Variants in KHDRBS2 observed in about 807,000 individuals in gnomAD.
The protein encoded by KHDRBS2 is KH domain-containing, RNA-binding, signal transduction-associated protein 2.
KHDRBS2 carries 26 observed loss-of-function variants against 44.3 expected under a neutral mutation model. The observed-to-expected ratio is 0.59, with a 90% CI of 0.43 to 0.81. The LOEUF is 0.81. Ranked by LOEUF, KHDRBS2 falls within the 40% of genes least tolerant of loss-of-function variation. KHDRBS2 has a pLI of 0.00. For missense variants in KHDRBS2, 476 were observed against 433.1 expected, an observed-to-expected ratio of 1.10 and a Z score of -0.88; for synonymous variants, 194 against 151.1, an observed-to-expected ratio of 1.28 and a Z score of -2.08.
At chr6:62,150,513 T>C (rs1323796360) in intron 2 of KHDRBS2, among the ~76,000 whole-genome samples, 3 of 152,198 alleles carry the variant, frequency 2.0e-5, no homozygotes, top group Non-Finnish European at 4.4e-5. Context: ...GTGATAGAGT[T>C]GTACAATATT....
rs57458009 is a variant in KHDRBS2, at chr6:62,060,633, CTA to C, written c.220-12641_220-12640del. Among the ~76,000 whole-genome samples the C allele has an allele frequency of 1.0e-3, 151 of 144,920 alleles. 1 individual carries two copies. Among genetic ancestry groups the C allele is most frequent in the African/African-American group, 2.1e-3 (81 of 39,246 alleles). Reference sequence around the variant, plus strand: ...TGTCTCTCTCTCTCTCTCTCTCTCTCTATATATATATATATGAACTAAAACAA... The same window carrying C: ...TGTCTCTCTCTCTCTCTCTCTCTCTCTATATATATATATGAACTAAAACAA... On this transcript the variant is annotated intron_variant, in intron 2 of 8. Transcript: ENST00000281156.
At chr6:61,934,319 CTG>C (rs1810640365) in intron 4 of KHDRBS2, among the ~76,000 whole-genome samples, 1 of 152,124 alleles carries the variant, frequency 6.6e-6, no homozygotes, top group Non-Finnish European at 1.5e-5. Context: ...TTCCATTCGT[CTG>C]TTTTTGCTTT....
At chr6:61,602,615 A>T in the KHDRBS2 span, among the ~76,000 whole-genome samples, 1 of 151,946 alleles carries the variant, frequency 6.6e-6, no homozygotes, top group East Asian at 1.9e-4. Context: ...CTACACCATC[A>T]CTGACGCCAA....
At chr6:61,938,092 G>C (rs1304097330) in intron 4 of KHDRBS2, among the ~76,000 whole-genome samples, 1 of 151,774 alleles carries the variant, frequency 6.6e-6, no homozygotes, top group East Asian at 1.9e-4. Flanking sequence ...CTACCTTTTG[G>C]GTTTACAGCA....
chr6:62,050,672 A>G (rs754271943), intron 2 of KHDRBS2, among the ~76,000 whole-genome samples: 8 of 152,020 alleles, frequency 5.3e-5, no homozygotes, highest in Non-Finnish European at 1.0e-4. Context: ...AAGATGTGTA[A>G]TTACTACTGC....
intron 4 of KHDRBS2, among the ~76,000 whole-genome samples, chr6:61,946,398 G>C (rs1455457490): frequency 1.3e-5 from 2 of 152,188 alleles, no homozygotes; most frequent in Non-Finnish European, 2.9e-5. Flanking sequence ...CCATGCTGCT[G>C]TCTTGCTTGG....
chr6:61,674,286 T>C, the KHDRBS2 span, among the ~76,000 whole-genome samples: 1 of 151,788 alleles, frequency 6.6e-6, no homozygotes, highest in Admixed American at 6.6e-5. Context: ...ATATTCTTCA[T>C]ATTGCTGCAG....
At chr6:61,955,475 CACATATGTATGTATGT>C (rs1434997959) in intron 4 of KHDRBS2, among the ~76,000 whole-genome samples, 24 of 45,138 alleles carry the variant, frequency 5.3e-4, no homozygotes, top group African/African-American at 2.8e-3. Context: ...TGTATATATA[CACATATGTATGTATGT>C]ATACATGTGT....
the KHDRBS2 span, among the ~76,000 whole-genome samples, chr6:61,659,496 A>G: frequency 6.6e-6 from 1 of 151,818 alleles, no homozygotes; most frequent in Non-Finnish European, 1.5e-5. Context: ...TGCTGTTTTT[A>G]GGGTCAGTGA....
chr6:61,752,734 G>T (rs1233697600), intron 6 of KHDRBS2, among the ~76,000 whole-genome samples: 2 of 149,502 alleles, frequency 1.3e-5, no homozygotes, highest in Non-Finnish European at 3.0e-5. Context: ...TATTCTAGTT[G>T]GTGGTTTAAG....
At chr6:62,048,055 A>C in intron 2 of KHDRBS2, 61 bp from the exon 3 acceptor site, 1 of 971,760 alleles carries the variant, frequency 1.0e-6, no homozygotes, top group African/African-American at 1.6e-5. Context: ...TATTTGCACC[A>C]AGAGTAATTG....
chr6:62,149,028 T>C (rs965217028), intron 2 of KHDRBS2, among the ~76,000 whole-genome samples: 14 of 152,090 alleles, frequency 9.2e-5, no homozygotes, highest in Non-Finnish European at 4.4e-5. Context: ...CTATTTCCTT[T>C]AAATATTGAG....
intron 3 of KHDRBS2, among the ~76,000 whole-genome samples, chr6:62,009,271 A>T (rs1388576556): frequency 6.6e-6 from 1 of 152,124 alleles, no homozygotes; most frequent in East Asian, 1.9e-4. Context: ...TGCCCTAGAG[A>T]TTTGTGGAAC....
intron 1 of KHDRBS2, among the ~76,000 whole-genome samples, chr6:62,229,660 G>T (rs1008852962): frequency 6.6e-6 from 1 of 152,152 alleles, no homozygotes; most frequent in Admixed American, 6.5e-5. Context: ...CTTCCAATTC[G>T]TGGGTTTCAC....
chr6:61,653,638 A>T, the KHDRBS2 span, among the ~76,000 whole-genome samples: 1 of 147,982 alleles, frequency 6.8e-6, no homozygotes, highest in Non-Finnish European at 1.5e-5. Flanking sequence ...AGAGAGAGAG[A>T]GGTAAATATA....
intron 2 of KHDRBS2, among the ~76,000 whole-genome samples, chr6:62,146,684 A>G (rs1199570582): frequency 4.0e-5 from 6 of 151,758 alleles, no homozygotes; most frequent in African/African-American, 1.4e-4. Context: ...ATGCACATAA[A>G]CTCCATTTAT....
At chr6:62,230,121 G>A (rs1832660139) in intron 1 of KHDRBS2, among the ~76,000 whole-genome samples, 2 of 152,128 alleles carry the variant, frequency 1.3e-5, no homozygotes, top group African/African-American at 4.8e-5. Flanking sequence ...CCTTTAATAT[G>A]TAGTACACAC....
chr6:61,776,204 G>A (rs1327600759), intron 6 of KHDRBS2, among the ~76,000 whole-genome samples: 1 of 152,154 alleles, frequency 6.6e-6, no homozygotes, highest in Non-Finnish European at 1.5e-5. Context: ...GAAAACGTAG[G>A]CATTACCATT....
chr6:62,098,397 C>T (rs1341835138), intron 2 of KHDRBS2, among the ~76,000 whole-genome samples: 2 of 152,076 alleles, frequency 1.3e-5, no homozygotes, highest in Admixed American at 6.6e-5. Flanking sequence ...GATAACTTTG[C>T]TGGCTCCAGC....
Sources: gnomAD v4.1 joint callset for allele counts (sites outside exome capture counted in the v4.1 genomes callset) on GRCh38, gnomAD v4.1.1 for gene constraint, MANE v1.5 for transcripts, NCBI Gene and HGNC (gene_info 2026-07-23, HGNC 2026-07-21) for gene names.